Variants in RFC3 observed in about 807,000 individuals in gnomAD.
The protein encoded by RFC3 is A1 38 kDa subunit.
In RFC3, 41 loss-of-function variants were observed where a neutral mutation model predicts 45.1. That is an observed-to-expected ratio of 0.91 (90% CI 0.71 to 1.18). RFC3 has a LOEUF of 1.18. RFC3 is among the 50% of genes most tolerant of loss of function. The probability of loss-of-function intolerance (pLI) is 0.00; values close to 1 mark genes in which losing one functional copy is unlikely to be tolerated. For synonymous variants in RFC3, 149 were observed against 144.0 expected, an observed-to-expected ratio of 1.03 and a Z score of -0.25; for missense variants, 423 against 428.1, an observed-to-expected ratio of 0.99 and a Z score of 0.10.
chr13:33,968,768 C>G (rs891431274), downstream of RFC3, among the ~76,000 whole-genome samples: 1 of 152,180 alleles, frequency 6.6e-6, no homozygotes, highest in African/African-American at 2.4e-5. Flanking sequence ...GCAACCCTTT[C>G]AGAAAGAAGA....
intron 8 of RFC3, among the ~76,000 whole-genome samples, chr13:33,884,272 G>A (rs896428137): frequency 2.6e-5 from 4 of 152,154 alleles, no homozygotes; most frequent in African/African-American, 9.7e-5. Flanking sequence ...TGGGTTCTGC[G>A]CTGACCAAAG....
intron 7 of RFC3, among the ~76,000 whole-genome samples, chr13:33,834,296 G>GTGTGTA (rs1566384917): frequency 2.5e-4 from 11 of 43,856 alleles, no homozygotes; most frequent in African/African-American, 1.1e-3. Context: ...TCTGTACTGT[G>GTGTGTA]TGTATATATA....
At position 33,836,385 on chromosome 13, in the gene RFC3, T is replaced by C; in HGVS notation, c.*90T>C. Reference sequence around the variant, plus strand: ...GAGCTGTGGGTAAATTAACTGAACTTAATCATGTCGTATTTGCGTTTTTTT... The same window carrying C: ...GAGCTGTGGGTAAATTAACTGAACTCAATCATGTCGTATTTGCGTTTTTTT... On this transcript the variant is annotated 3_prime_UTR_variant, in exon 9 of 9. Coordinates refer to ENST00000380071, the MANE Select transcript of RFC3 (RefSeq NM_002915.4). 6.6e-7 allele frequency: 1 copy of C among 1,524,104 alleles called. No individual in the cohort carries two copies. Among genetic ancestry groups the C allele is most frequent in the Non-Finnish European group, 8.8e-7 (1 of 1,138,154 alleles). The allele number at this position is 1,524,104 out of a possible 1,614,324, so 94.4% of individuals were successfully genotyped here.
At position 33,879,047 on chromosome 13, in the gene RFC3, T is replaced by A. The variant is rs150708323; in HGVS notation, c.879+43830T>A. The stretch of plus-strand genomic sequence containing the variant: ...CATATGAGAACTCTAGGTTGTATTT[T>A]AGCATAGGTCCCTATAAATTTCTTC... On this transcript the variant is annotated intron_variant, in intron 8 of 8. Coordinates refer to the RFC3 transcript ENST00000434425. Among the ~76,000 whole-genome samples the A allele has an allele frequency of 3.3e-3, 496 of 152,302 alleles. 2 individuals carry two copies. Among genetic ancestry groups the A allele is most frequent in the Admixed American group, 0.012 (180 of 15,284 alleles).
At chr13:33,943,547 G>A (rs1379331275) in intron 8 of RFC3, among the ~76,000 whole-genome samples, 2 of 152,100 alleles carry the variant, frequency 1.3e-5, no homozygotes, top group Admixed American at 6.6e-5. Flanking sequence ...TAATTACCAC[G>A]ATTTGATCAT....
chr13:33,929,799 G>A (rs866433546), intron 8 of RFC3, among the ~76,000 whole-genome samples: 1 of 151,884 alleles, frequency 6.6e-6, no homozygotes, highest in South Asian at 2.1e-4. Flanking sequence ...TTTGACAATT[G>A]GATTATTTCC....
intron 3 of RFC3, among the ~76,000 whole-genome samples, chr13:33,824,330 A>G (rs930278331): frequency 2.0e-5 from 3 of 152,152 alleles, no homozygotes; most frequent in Non-Finnish European, 2.9e-5. Flanking sequence ...TGTTTGGAGT[A>G]AATATTTCAG....
intron 8 of RFC3, among the ~76,000 whole-genome samples, chr13:33,960,347 T>TC (rs1282006004): frequency 6.6e-6 from 1 of 152,134 alleles, no homozygotes; most frequent in Non-Finnish European, 1.5e-5. Context: ...CTCCATAAGA[T>TC]CAGGGGCTCT....
chr13:33,953,901 A>G (rs1230481662), intron 8 of RFC3, among the ~76,000 whole-genome samples: 1 of 152,222 alleles, frequency 6.6e-6, no homozygotes, highest in African/African-American at 2.4e-5. Flanking sequence ...TACAGTGTTA[A>G]GCAGAGTTTT....
At chr13:33,881,809 C>T (rs2082486798) in intron 8 of RFC3, among the ~76,000 whole-genome samples, 1 of 152,096 alleles carries the variant, frequency 6.6e-6, no homozygotes, top group South Asian at 2.1e-4. Context: ...ACCTCCTGAC[C>T]TTGAACATGT....
At chr13:33,862,035 CAA>C (rs1227231665) in intron 8 of RFC3, among the ~76,000 whole-genome samples, 3 of 152,214 alleles carry the variant, frequency 2.0e-5, no homozygotes, top group Non-Finnish European at 2.9e-5. Flanking sequence ...ATTATCAAAA[CAA>C]TGCTGTTGAA....
At chr13:33,888,029 T>C (rs964981195) in intron 8 of RFC3, among the ~76,000 whole-genome samples, 1 of 152,222 alleles carries the variant, frequency 6.6e-6, no homozygotes, top group Non-Finnish European at 1.5e-5. Flanking sequence ...TTGGTTACTG[T>C]AGCCTTGTAG....
At position 33,829,819 on chromosome 13, in the gene RFC3, G is replaced by C; in HGVS notation, c.392-17G>C. The C allele has an allele frequency of 6.2e-7, 1 of 1,608,908 alleles. No individual in the cohort carries two copies. The highest frequency in any genetic ancestry group is 8.5e-7 in the Non-Finnish European group (1 of 1,175,392). ...GTGAACTCAAGTTAAAGTTTGTTTT[G>C]TTTCTCTTTGACTCAGTGGTATTAT... is the stretch of plus-strand genomic sequence containing the variant. On this transcript the variant is annotated splice_polypyrimidine_tract_variant and intron_variant, in intron 4 of 8. Coordinates refer to ENST00000380071, the MANE Select transcript of RFC3 (RefSeq NM_002915.4).
At chr13:33,872,800 C>CCA (rs1005842977) in intron 8 of RFC3, among the ~76,000 whole-genome samples, 1 of 140,804 alleles carries the variant, frequency 7.1e-6, no homozygotes, top group Non-Finnish European at 1.6e-5. Context: ...AAACCCCCCC[C>CCA]CCCAAAATAC....
rs2082158218 is a variant in RFC3 at position 33,836,708 on chromosome 13, A to G, written c.*413A>G. On this transcript the variant is annotated 3_prime_UTR_variant, in exon 9 of 9. Transcript: ENST00000380071. ...ATTGTTTGACACACCATTATATTTA[A>G]TTCTAGTTTCTCTCAATGAATAATT... 1.0e-6 allele frequency: 1 copy of G among 985,430 alleles called. No individual in the cohort carries two copies. The highest frequency in any genetic ancestry group is 4.7e-5 in the South Asian group (1 of 21,302). The allele number at this position is 985,430 out of a possible 1,614,324, so 61.0% of individuals were successfully genotyped here. A position where few individuals can be genotyped will look rare whatever the true frequency, so the allele number is the denominator to read the frequency against.
At chr13:33,929,689 G>A (rs2082839615) in intron 8 of RFC3, among the ~76,000 whole-genome samples, 1 of 151,982 alleles carries the variant, frequency 6.6e-6, no homozygotes, top group Non-Finnish European at 1.5e-5. Context: ...GTAGATGCAT[G>A]TTTATTATAT....
At position 33,836,571 on chromosome 13, in the gene RFC3, T is replaced by C; in HGVS notation, c.*276T>C. The C allele has an allele frequency of 9.1e-7, 1 of 1,103,900 alleles. No individual in the cohort carries two copies. Among genetic ancestry groups the C allele is most frequent in the Non-Finnish European group, 1.1e-6 (1 of 902,820 alleles). 68.4% of individuals were successfully genotyped at this position (1,103,900 alleles called of 1,614,324 possible). A position where few individuals can be genotyped will look rare whatever the true frequency, so the allele number is the denominator to read the frequency against. On this transcript the variant is annotated 3_prime_UTR_variant, in exon 9 of 9. Coordinates refer to ENST00000380071, the MANE Select transcript of RFC3 (RefSeq NM_002915.4). ...TGGTTATTCAAGTATTCATTGTTGA[T>C]CCTCCTATTCTCTTCCGTCTAATCT...
exon 9 of RFC3, chr13:33,966,330 C>G (rs1463642414): frequency 6.7e-6 from 4 of 599,822 alleles, no homozygotes; most frequent in Non-Finnish European, 1.2e-5. Flanking sequence ...ATCACATCCA[C>G]AAAACCCTCT....
chr13:33,835,866 G>A (rs1356513229), intron 8 of RFC3, among the ~76,000 whole-genome samples: 1 of 152,084 alleles, frequency 6.6e-6, no homozygotes, highest in Non-Finnish European at 1.5e-5. Flanking sequence ...CTTGCACTTT[G>A]TGCAGTTAAA....
Sources: gnomAD v4.1 joint callset for allele counts (sites outside exome capture counted in the v4.1 genomes callset) on GRCh38, gnomAD v4.1.1 for gene constraint, MANE v1.5 for transcripts, NCBI Gene and HGNC (gene_info 2026-07-23, HGNC 2026-07-21) for gene names.